NSD3: variants seen among roughly 807,000 people sequenced by gnomAD.
NSD3 encodes histone-lysine N-methyltransferase NSD3.
A neutral mutation model predicts 160.8 loss-of-function variants in NSD3; 24 were observed. The observed-to-expected ratio is 0.15, with a 90% CI of 0.11 to 0.21. The LOEUF is 0.21. Ranked by LOEUF, NSD3 falls within the 10% of genes least tolerant of loss-of-function variation. NSD3 has a pLI of 1.00. For missense variants in NSD3, 1,157 were observed against 1,735.9 expected (o/e 0.67, Z 5.93); for synonymous variants, 520 against 600.0 (o/e 0.87, Z 1.95).
Position 38,314,566 on chromosome 8 carries a change from T to A in NSD3, c.2242+81A>T, listed in dbSNP as rs541922244. 52 of 1,557,576 alleles carry A rather than the reference T, an allele frequency of 3.3e-5. No homozygotes were observed. The South Asian group carries it at 5.9e-4, about 18-fold the overall frequency. On this transcript the variant is annotated intron_variant, in intron 12 of 23. Coordinates refer to ENST00000317025, the MANE Select transcript of NSD3 (RefSeq NM_023034.2). ...GCTAATAAAAGTGATGGGAACAAGA[T>A]GTCCTAGGAGAGGTTGTCAGTGCAC...
chr8:38,287,678 A>T, intron 19 of NSD3, among the ~76,000 whole-genome samples: 1 of 147,918 alleles, frequency 6.8e-6, no homozygotes. Flanking sequence ...TTTGAGATGG[A>T]GTCTCGCTCT....
intron 14 of NSD3, among the ~76,000 whole-genome samples, chr8:38,300,265 G>A (rs913623528): frequency 2.0e-5 from 3 of 152,032 alleles, no homozygotes; most frequent in African/African-American, 4.8e-5. Context: ...GGGCTCTAGC[G>A]ATCCTCTGGC....
intron 1 of NSD3, among the ~76,000 whole-genome samples, chr8:38,354,016 C>T (rs1810763072): frequency 6.6e-6 from 1 of 152,192 alleles, no homozygotes; most frequent in Admixed American, 6.5e-5. Flanking sequence ...TGTCCTTTTC[C>T]TAGTGCAATG....
rs3802320 is a variant in NSD3 at position 38,272,898 on chromosome 8, G to A, written c.*2743C>T. 4.3e-4 allele frequency: 65 copies of A among 152,302 alleles called. 2 individuals carry two copies. The East Asian group carries it at 0.011, about 27-fold the overall frequency. The allele number at this position is 152,302 out of a possible 1,614,324, so 9.4% of individuals were successfully genotyped here. A position where few individuals can be genotyped will look rare whatever the true frequency, so the allele number is the denominator to read the frequency against. On this transcript the variant is annotated 3_prime_UTR_variant, in exon 24 of 24. Transcript: ENST00000317025. ...TTTTCTCTTTCTGCATCTATAATCT[G>A]CAACTTAAAAATATATCAAATAGGT...
chr8:38,350,637 T>C (rs189882055), intron 1 of NSD3, among the ~76,000 whole-genome samples: 9 of 152,346 alleles, frequency 5.9e-5, no homozygotes, highest in South Asian at 2.1e-4. Flanking sequence ...AAAATGTACG[T>C]GGCAGGGTCT....
intron 1 of NSD3, among the ~76,000 whole-genome samples, chr8:38,373,540 C>T (rs1380652663): frequency 6.6e-6 from 1 of 152,072 alleles, no homozygotes; most frequent in African/African-American, 2.4e-5. Flanking sequence ...TCTTAAGCCT[C>T]CACAGCTAAG....
At chr8:38,297,837 G>C (rs924974721) in intron 15 of NSD3, among the ~76,000 whole-genome samples, 1 of 151,708 alleles carries the variant, frequency 6.6e-6, no homozygotes, top group Non-Finnish European at 1.5e-5. Flanking sequence ...TTTTCCATCA[G>C]AAAGGAATGA....
intron 2 of NSD3, among the ~76,000 whole-genome samples, chr8:38,339,517 G>C (rs187806772): frequency 6.6e-5 from 10 of 152,260 alleles, no homozygotes; most frequent in African/African-American, 2.2e-4. Context: ...ACGAGATCAA[G>C]AAATTGAGAC....
intron 22 of NSD3, 126 bp from the exon 23 acceptor site, chr8:38,276,626 G>A: frequency 1.1e-6 from 1 of 926,002 alleles, no homozygotes; most frequent in Non-Finnish European, 1.6e-6. Context: ...AAAACATCAG[G>A]AGGCCTTATG....
Position 38,288,986 on chromosome 8 carries a change from C to A in NSD3, c.3232-230G>T, listed in dbSNP as rs1413092558. Among the ~76,000 whole-genome samples, 2 of 152,144 alleles carry A rather than the reference C, an allele frequency of 1.3e-5. No individual in the cohort carries two copies. The highest frequency in any genetic ancestry group is 2.9e-5 in the Non-Finnish European group (2 of 68,032). On this transcript the variant is annotated intron_variant, in intron 18 of 23. Transcript: ENST00000317025. The surrounding 1 kb of genome is among the most constrained non-coding windows in gnomAD (Gnocchi z 4.5). ...TATTTATCCTGGGTATTTCTACTTT[C>A]ACTAGATGGAAATTTCATAACTGAA...
intron 4 of NSD3, among the ~76,000 whole-genome samples, chr8:38,336,908 G>A (rs1229783383): frequency 6.6e-6 from 1 of 152,142 alleles, no homozygotes; most frequent in Admixed American, 6.6e-5. Flanking sequence ...TTGGGAGGCC[G>A]AGGCAGGTGC....
intron 21 of NSD3, among the ~76,000 whole-genome samples, chr8:38,279,265 A>C (rs1417494925): frequency 1.3e-5 from 2 of 152,276 alleles, no homozygotes; most frequent in Non-Finnish European, 2.9e-5. Context: ...GAATTCGTTC[A>C]GCAGGACTGC....
intron 16 of NSD3, chr8:38,290,893 T>A (rs1563344016): frequency 2.3e-6 from 1 of 434,750 alleles, no homozygotes; most frequent in Non-Finnish European, 4.1e-6. Flanking sequence ...TACTTTCTTT[T>A]AAAAAATATT....
rs1810568693 is a variant in NSD3, at chr8:38,347,620, C to T, written c.552G>A (p.Glu184=). The change falls in exon 2 of 24, where the codon GAG becomes GAA. Residue 184 remains glutamate, a synonymous_variant. Transcript: ENST00000317025. The stretch of plus-strand genomic sequence containing the variant: ...TGCTTTCATGCTTTGATTTCGTGTG[C>T]TCACTTGCCTGTACTTCATTTAAAA... ...GDLLNEVQAS[E]HTKSKHESRK... The T allele has an allele frequency of 2.5e-6, 4 of 1,613,846 alleles. No homozygotes were observed. Among genetic ancestry groups the T allele is most frequent in the Non-Finnish European group, 3.4e-6 (4 of 1,180,032 alleles).
intron 12 of NSD3, among the ~76,000 whole-genome samples, chr8:38,305,886 T>C (rs1315951094): frequency 1.3e-5 from 2 of 152,132 alleles, no homozygotes; most frequent in African/African-American, 2.4e-5. Flanking sequence ...AGACATATCT[T>C]ATTCGAACTA....
At chr8:38,322,749 A>T (rs1014611318) in intron 7 of NSD3, among the ~76,000 whole-genome samples, 1 of 152,214 alleles carries the variant, frequency 6.6e-6, no homozygotes, top group Non-Finnish European at 1.5e-5. Context: ...TCTAGTGTGA[A>T]TACAAGTACA....
intron 19 of NSD3, among the ~76,000 whole-genome samples, chr8:38,284,470 C>G (rs913858626): frequency 1.3e-5 from 2 of 152,206 alleles, no homozygotes; most frequent in Non-Finnish European, 2.9e-5. Flanking sequence ...CCCACTGCAA[C>G]CTCCGCCTCC....
At position 38,314,562 on chromosome 8, in the gene NSD3, A is replaced by C; in HGVS notation, c.2242+85T>G. ...GAGGGCTAATAAAAGTGATGGGAAC[A>C]AGATGTCCTAGGAGAGGTTGTCAGT... On this transcript the variant is annotated intron_variant, in intron 12 of 23. Transcript: ENST00000317025. The C allele has an allele frequency of 4.5e-6, 7 of 1,554,646 alleles. No homozygotes were observed. In the South Asian group the frequency reaches 7.1e-5, roughly 16 times the overall value.
rs1374887108 is a variant in NSD3, at chr8:38,288,870, T to C, written c.3232-114A>G. 35 of 1,325,010 alleles carry C rather than the reference T, an allele frequency of 2.6e-5. 1 individual carries two copies. The highest frequency in any genetic ancestry group is 3.4e-5 in the Non-Finnish European group (33 of 974,286). 82.1% of individuals were successfully genotyped at this position (1,325,010 alleles called of 1,614,324 possible). On this transcript the variant is annotated intron_variant, in intron 18 of 23. Coordinates refer to ENST00000317025, the MANE Select transcript of NSD3 (RefSeq NM_023034.2). The surrounding 1 kb of genome is among the most constrained non-coding windows in gnomAD (Gnocchi z 4.5). Reference sequence around the variant, plus strand: ...CCTCGTGGTGCTACTCCGAGAAAGGTTGTCTTTCCTGATGAATAAGCTGAG... The same window carrying C: ...CCTCGTGGTGCTACTCCGAGAAAGGCTGTCTTTCCTGATGAATAAGCTGAG...
Sources: gnomAD v4.1 joint callset for allele counts (sites outside exome capture counted in the v4.1 genomes callset) on GRCh38, gnomAD v4.1.1 for gene constraint, Gnocchi (gnomAD v3.1) non-coding constraint, MANE v1.5 for transcripts, NCBI Gene and HGNC (gene_info 2026-07-23, HGNC 2026-07-21) for gene names.